Variants in ITPR1 observed in about 807,000 individuals in gnomAD.
ITPR1 encodes inositol 1,4,5-trisphosphate receptor type 1.
In ITPR1, 96 loss-of-function variants were observed where a neutral mutation model predicts 318.4. The observed-to-expected ratio is 0.30, with a 90% confidence interval of 0.26 to 0.36. The LOEUF is 0.36. ITPR1 is among the 10% of genes least tolerant of loss of function. ITPR1 has a pLI of 1.00. For missense variants in ITPR1, 2,440 were observed against 3,460.2 expected (o/e 0.71, Z 7.40); for synonymous variants, 1,312 against 1,289.9 (o/e 1.02, Z -0.37).
intron 4 of ITPR1, among the ~76,000 whole-genome samples, chr3:4,544,916 C>A (rs1392601589): frequency 6.6e-6 from 1 of 152,146 alleles, no homozygotes; most frequent in Non-Finnish European, 1.5e-5. Flanking sequence ...CACTTCAGCC[C>A]CCAAGTAGCT....
intron 4 of ITPR1, among the ~76,000 whole-genome samples, chr3:4,548,247 C>T (rs1272133430): frequency 5.9e-5 from 9 of 152,154 alleles, no homozygotes; most frequent in Admixed American, 5.9e-4. Context: ...AGTCAGCATT[C>T]ATCTTCAGTT....
At chr3:4,553,970 TG>T (rs891171824) in intron 4 of ITPR1, among the ~76,000 whole-genome samples, 2 of 150,874 alleles carry the variant, frequency 1.3e-5, no homozygotes, top group African/African-American at 4.9e-5. Context: ...TGAAAACTCC[TG>T]GGCTCAAGCA....
Position 4,688,629 on chromosome 3 carries a change from T to C in ITPR1, c.3828+9T>C. 6.2e-7 allele frequency: 1 copy of C among 1,611,124 alleles called. No individual in the cohort carries two copies. Among genetic ancestry groups the C allele is most frequent in the Non-Finnish European group, 8.5e-7 (1 of 1,177,530 alleles). On this transcript the variant is annotated intron_variant, in intron 31 of 61. Transcript: ENST00000649015. ...TGTTTCTCAACCCAGGGGTAAGACT[T>C]GAGGCCAATCTGCAAATCTATAGAG... is the stretch of plus-strand genomic sequence containing the variant.
chr3:4,730,713 A>G (rs1440921741), intron 42 of ITPR1, among the ~76,000 whole-genome samples: 2 of 152,138 alleles, frequency 1.3e-5, no homozygotes, highest in African/African-American at 4.8e-5. Context: ...AGCCACCACT[A>G]GAAACTGAAA....
intron 11 of ITPR1, among the ~76,000 whole-genome samples, 195 bp from the exon 12 acceptor site, chr3:4,653,647 T>C (rs2093643906): frequency 6.6e-6 from 1 of 152,216 alleles, no homozygotes. Flanking sequence ...TCTTGGTGAC[T>C]GGTGGATGTT....
At chr3:4,707,536 G>A (rs762350050) in intron 37 of ITPR1, among the ~76,000 whole-genome samples, 4 of 152,160 alleles carry the variant, frequency 2.6e-5, no homozygotes, top group African/African-American at 7.2e-5. Flanking sequence ...GTCACATAGC[G>A]TCACTTTTAC....
chr3:4,614,852 AT>A (rs892135472), intron 4 of ITPR1, among the ~76,000 whole-genome samples: 18 of 151,758 alleles, frequency 1.2e-4, no homozygotes, highest in African/African-American at 4.4e-4. Context: ...CCTTTCTCTT[AT>A]TTTTTTCAGC....
chr3:4,498,414 G>C (rs1368383199), intron 2 of ITPR1, among the ~76,000 whole-genome samples: 1 of 152,172 alleles, frequency 6.6e-6, no homozygotes, highest in Non-Finnish European at 1.5e-5. Flanking sequence ...TGACATGTTG[G>C]AGGAAGGAGA....
chr3:4,743,920 C>T (rs1235479872), intron 44 of ITPR1, among the ~76,000 whole-genome samples: 9 of 152,166 alleles, frequency 5.9e-5, no homozygotes, highest in Non-Finnish European at 1.0e-4. Flanking sequence ...CTGCAACCTC[C>T]GCCTCATGGG....
chr3:4,790,884 A>G (rs1050190090), intron 52 of ITPR1, among the ~76,000 whole-genome samples: 1 of 152,202 alleles, frequency 6.6e-6, no homozygotes, highest in Non-Finnish European at 1.5e-5. Context: ...GTGCACTCAC[A>G]TCCTCTCTCT....
At chr3:4,605,484 A>T (rs1045692299) in intron 4 of ITPR1, among the ~76,000 whole-genome samples, 1 of 152,148 alleles carries the variant, frequency 6.6e-6, no homozygotes, top group African/African-American at 2.4e-5. Flanking sequence ...GCTGAAGTTG[A>T]TAGTAGTGCT....
At chr3:4,748,015 G>T (rs2044231411) in intron 44 of ITPR1, among the ~76,000 whole-genome samples, 1 of 152,178 alleles carries the variant, frequency 6.6e-6, no homozygotes, top group African/African-American at 2.4e-5. Context: ...TTGGGCGAAG[G>T]GAAAGGGAGG....
chr3:4,711,963 T>G, intron 39 of ITPR1, 95 bp downstream of exon 39: 2 of 547,222 alleles, frequency 3.7e-6, no homozygotes, highest in East Asian at 3.0e-5. Context: ...CATTACTGAC[T>G]GAGGGGCTAG....
intron 4 of ITPR1, among the ~76,000 whole-genome samples, chr3:4,537,242 C>T (rs540646807): frequency 9.5e-4 from 145 of 152,236 alleles, no homozygotes; most frequent in African/African-American, 3.4e-3. Context: ...TGGTAGAACA[C>T]GTGAGTAAAG....
rs778156597 is a variant in ITPR1 at position 4,813,212 on chromosome 3, C to T, written c.7539C>T (p.Cys2513=). 5.0e-6 allele frequency: 8 copies of T among 1,612,734 alleles called. No homozygotes were observed. The highest frequency in any genetic ancestry group is 5.9e-6 in the Non-Finnish European group (7 of 1,179,024). Residue 2513 remains cysteine (C), a synonymous_variant, in exon 57 of 62, where the codon TGC becomes TGT. Transcript: ENST00000649015. ...DVCRVESGEN[C]SSPAPREELV... is the part of the protein sequence containing the mutation. The stretch of plus-strand genomic sequence containing the variant: ...GTAGGGTGGAGAGTGGGGAGAACTG[C>T]TCCTCTCCTGCACCCAGAGAAGGTA...
At chr3:4,589,217 T>C (rs1318829778) in intron 4 of ITPR1, among the ~76,000 whole-genome samples, 1 of 152,106 alleles carries the variant, frequency 6.6e-6, no homozygotes, top group East Asian at 1.9e-4. Context: ...CTAGGAGACA[T>C]ATTCATATAT....
intron 54 of ITPR1, among the ~76,000 whole-genome samples, chr3:4,801,966 T>G (rs1450573334): frequency 1.3e-5 from 2 of 152,162 alleles, no homozygotes; most frequent in African/African-American, 4.8e-5. Flanking sequence ...TAGTGATCAG[T>G]AGGAACTGAT....
At chr3:4,708,738 A>C (rs2094810050) in intron 37 of ITPR1, among the ~76,000 whole-genome samples, 1 of 152,236 alleles carries the variant, frequency 6.6e-6, no homozygotes, top group Non-Finnish European at 1.5e-5. Context: ...CAGTGACGTA[A>C]AGGATTTGCA....
rs1559918215 is a variant in ITPR1, at chr3:4,800,449, G to T, written c.6956G>T (p.Gly2319Val). 1 of 1,613,950 alleles carries T rather than the reference G, an allele frequency of 6.2e-7. No homozygotes were observed. The highest frequency in any genetic ancestry group is 8.5e-7 in the Non-Finnish European group (1 of 1,179,872). Residue 2319 changes from glycine to valine, a missense_variant, in exon 54 of 62, where the codon GGA becomes GTA. By Grantham distance (109) the Gly-to-Val change is moderately radical. This residue lies in a region of ITPR1 where 126 missense variants were observed against 150.8 expected (regional missense o/e 0.84). Coordinates refer to ENST00000649015, the MANE Select transcript of ITPR1 (RefSeq NM_001378452.1). The part of the protein sequence containing the change: ...RGGTLEPHWS[G>V]LLWTAMLISL... ...GGAACCCTGGAGCCCCACTGGTCGGGACTCCTGTGGACAGCCATGCTCATC... is the reference window on the plus strand; with the variant it reads ...GGAACCCTGGAGCCCCACTGGTCGGTACTCCTGTGGACAGCCATGCTCATC...
Sources: allele counts gnomAD v4.1 joint callset (sites outside exome capture counted in the v4.1 genomes callset), GRCh38; gene constraint gnomAD v4.1.1; regional missense constraint gnomAD v4.1.1; transcripts MANE v1.5; gene names NCBI Gene and HGNC (gene_info 2026-07-23, HGNC 2026-07-21).